Variants in JMJD1C observed in about 807,000 individuals in gnomAD.
The protein encoded by JMJD1C is jumonji domain containing 1C.
Under a neutral mutation model 245.3 loss-of-function variants are expected in JMJD1C, and 31 were observed. The observed-to-expected ratio is 0.13, with a 90% confidence interval of 0.09 to 0.17. The LOEUF is 0.17. Among genes scored for constraint, JMJD1C ranks in the 10% least tolerant of loss-of-function variants. The probability of loss-of-function intolerance (pLI) is 1.00; values close to 1 mark genes in which losing one functional copy is unlikely to be tolerated. For missense variants in JMJD1C, 2,691 were observed against 3,000.2 expected (o/e 0.90, Z 2.41); for synonymous variants, 1,057 against 1,017.4 (o/e 1.04, Z -0.74).
intron 3 of JMJD1C, among the ~76,000 whole-genome samples, chr10:63,245,885 A>AG (rs1852144346): frequency 6.6e-6 from 1 of 152,244 alleles, no homozygotes; most frequent in South Asian, 2.1e-4. Context: ...GGACCCTCCC[A>AG]GGACATGTGG....
chr10:63,196,280 A>G (rs796874446), intron 13 of JMJD1C, among the ~76,000 whole-genome samples: 4 of 152,240 alleles, frequency 2.6e-5, no homozygotes, highest in Admixed American at 1.3e-4. Flanking sequence ...AAAGAAAAAG[A>G]GAAAGAAAAT....
intron 2 of JMJD1C, among the ~76,000 whole-genome samples, chr10:63,314,454 G>T (rs1003560361): frequency 6.6e-6 from 1 of 152,136 alleles, no homozygotes; most frequent in African/African-American, 2.4e-5. Context: ...CAGCTACTTG[G>T]GAGACTGAGG....
intron 2 of JMJD1C, among the ~76,000 whole-genome samples, chr10:63,281,292 G>A (rs1857353514): frequency 1.4e-5 from 2 of 141,660 alleles, no homozygotes; most frequent in Admixed American, 1.4e-4. Context: ...ACGCCACCAT[G>A]CCCGGCTAAT....
At chr10:63,407,806 T>A (rs1949257049) in intron 1 of JMJD1C, among the ~76,000 whole-genome samples, 2 of 141,290 alleles carry the variant, frequency 1.4e-5, no homozygotes, top group African/African-American at 2.6e-5. Flanking sequence ...AATACAACAA[T>A]CTGGAGAAAC....
intron 16 of JMJD1C, among the ~76,000 whole-genome samples, 180 bp downstream of exon 16, chr10:63,192,758 G>A (rs1161657630): frequency 1.3e-5 from 2 of 151,882 alleles, no homozygotes; most frequent in African/African-American, 4.8e-5. Flanking sequence ...AAAAACAACA[G>A]GCTAGTTCCT....
chr10:63,290,296 C>T (rs1399987252), intron 2 of JMJD1C, among the ~76,000 whole-genome samples: 1 of 152,138 alleles, frequency 6.6e-6, no homozygotes, highest in Non-Finnish European at 1.5e-5. Flanking sequence ...TGGCCAGGCG[C>T]GGTGGCTCAC....
In JMJD1C at chr10:63,184,670, G is replaced by T. The variant is rs1432965754; in HGVS notation, c.6899C>A (p.Ala2300Asp). The change falls in exon 21 of 26, where the codon GCC (alanine) becomes GAC (aspartate). Residue 2300 changes from alanine (A) to aspartate (D), a missense_variant. By Grantham distance (126) the Ala-to-Asp change is moderately radical. Transcript: ENST00000399262. Reference sequence around the variant, plus strand: ...TACAAAAAATCCTGGCAAATGAGAGGCCAAATTGAATTTTCCTTCTGGATT... The same window carrying T: ...TACAAAAAATCCTGGCAAATGAGAGTCCAAATTGAATTTTCCTTCTGGATT... ...YCNPEGKFNL[A>D]SHLPGFFVRP... 1 of 1,613,530 alleles carries T rather than the reference G, an allele frequency of 6.2e-7. No homozygotes were observed. The highest frequency in any genetic ancestry group is 1.7e-5 in the Admixed American group (1 of 60,000).
At chr10:63,506,328 A>G (rs1453479457) in intron 1 of JMJD1C, among the ~76,000 whole-genome samples, 1 of 152,206 alleles carries the variant, frequency 6.6e-6, no homozygotes, top group Non-Finnish European at 1.5e-5. Flanking sequence ...AAGCAAGGAA[A>G]AGAGAAAAGG....
At chr10:63,468,976 C>G (rs895791906), upstream of JMJD1C, among the ~76,000 whole-genome samples, 1 of 152,058 alleles carries the variant, frequency 6.6e-6, no homozygotes, top group Non-Finnish European at 1.5e-5. Flanking sequence ...ACAAAAAAAA[C>G]CCACAAACTA....
chr10:63,446,705 G>T (rs1951739815), intron 1 of JMJD1C, among the ~76,000 whole-genome samples: 1 of 152,200 alleles, frequency 6.6e-6, no homozygotes, highest in Non-Finnish European at 1.5e-5. Context: ...CATATTAAAT[G>T]CTGCTGATAA....
rs543166949 is a variant in JMJD1C at position 63,237,757 on chromosome 10, C to A, written c.448-17774G>T. 7.2e-5 allele frequency among the ~76,000 whole-genome samples: 11 copies of A among 152,160 alleles called. No homozygotes were observed. The East Asian group carries it at 1.9e-3, about 27-fold the overall frequency. On this transcript the variant is annotated intron_variant, in intron 3 of 25. Transcript: ENST00000399262. The stretch of plus-strand genomic sequence containing the variant: ...CACACATAATTAGAAAATCTGAAAT[C>A]CAAAATGCTCCAATGAGCACTTCCT...
intron 3 of JMJD1C, among the ~76,000 whole-genome samples, chr10:63,248,403 C>T (rs1852546711): frequency 1.3e-5 from 2 of 151,962 alleles, no homozygotes; most frequent in Admixed American, 6.6e-5. Flanking sequence ...TGCCTGTAAA[C>T]CCAGCTACCC....
chr10:63,447,627 G>A (rs767097899), intron 1 of JMJD1C, among the ~76,000 whole-genome samples: 1 of 152,016 alleles, frequency 6.6e-6, no homozygotes, highest in African/African-American at 2.4e-5. Flanking sequence ...AAAGGTAACA[G>A]TTTATAACCT....
chr10:63,245,351 G>T (rs1305425114), intron 3 of JMJD1C, among the ~76,000 whole-genome samples: 1 of 151,702 alleles, frequency 6.6e-6, no homozygotes, highest in Non-Finnish European at 1.5e-5. Flanking sequence ...AAAAGAAAAA[G>T]ATTTAATAGA....
intron 2 of JMJD1C, among the ~76,000 whole-genome samples, chr10:63,284,986 C>T (rs1857829080): frequency 1.3e-5 from 2 of 152,052 alleles, no homozygotes; most frequent in Admixed American, 1.3e-4. Context: ...AATTAGCTTG[C>T]ACATCTTTGG....
intron 1 of JMJD1C, among the ~76,000 whole-genome samples, chr10:63,411,293 ATTTTTTT>A (rs58719205): frequency 1.2e-5 from 1 of 84,542 alleles, no homozygotes; most frequent in Admixed American, 1.2e-4. Flanking sequence ...TGTGTCACTG[ATTTTTTT>A]TTTTTTTTTT....
At chr10:63,203,416 A>G (rs774595091) in intron 10 of JMJD1C, 1 of 985,266 alleles carries the variant, frequency 1.0e-6, no homozygotes, top group South Asian at 4.7e-5. Context: ...CTAACAGAAA[A>G]CTGGGGAGGA....
chr10:63,268,688 CT>C (rs1294509080), intron 2 of JMJD1C: 1 of 982,894 alleles, frequency 1.0e-6, no homozygotes, highest in Non-Finnish European at 1.2e-6. Context: ...TTTAAAGTAT[CT>C]TTAAATCTCA....
chr10:63,481,390 T>C (rs1953824230), intron 1 of JMJD1C, among the ~76,000 whole-genome samples: 1 of 152,194 alleles, frequency 6.6e-6, no homozygotes, highest in African/African-American at 2.4e-5. Context: ...AATATTTATA[T>C]CTTTAAAATA....
Sources: allele counts gnomAD v4.1 joint callset (sites outside exome capture counted in the v4.1 genomes callset), GRCh38; gene constraint gnomAD v4.1.1; transcripts MANE v1.5; gene names NCBI Gene and HGNC (gene_info 2026-07-23, HGNC 2026-07-21).